PCM1: variants seen among roughly 807,000 people sequenced by gnomAD.
PCM1 encodes the protein pericentriolar material 1.
PCM1 carries 157 observed loss-of-function variants against 241.9 expected under a neutral mutation model. That is an observed-to-expected ratio of 0.65 (90% confidence interval 0.57 to 0.74). The LOEUF is 0.74. Ranked by LOEUF, PCM1 falls within the 30% of genes least tolerant of loss-of-function variation. The pLI is 0.00. For missense variants in PCM1, 3,478 were observed against 2,360.1 expected, an observed-to-expected ratio of 1.47 and a Z score of -9.81; for synonymous variants, 1,085 against 784.9, an observed-to-expected ratio of 1.38 and a Z score of -6.39.
At chr8:17,948,054 T>C (rs1261705775) in intron 7 of PCM1, among the ~76,000 whole-genome samples, 1 of 152,190 alleles carries the variant, frequency 6.6e-6, no homozygotes, top group African/African-American at 2.4e-5. Flanking sequence ...TTATTAAAAG[T>C]CAACAAAACT....
rs369421006 is a variant in PCM1 at position 17,953,182 on chromosome 8, A to T, written c.1284A>T (p.Ser428=). 2.6e-6 allele frequency: 4 copies of T among 1,530,232 alleles called. No homozygotes were observed. In the African/African-American group the frequency reaches 5.5e-5, roughly 21 times the overall value. The allele number at this position is 1,530,232 out of a possible 1,614,324, so 94.8% of individuals were successfully genotyped here. ...TTCGAGATCAGCATCTTAACAATTC[A>T]TCATGTGAGTAAATCTGGTTCAGCA... ...HTLRDQHLNN[S]SSSPQRSVDQ... Residue 428 remains serine (S), a synonymous_variant, in exon 9 of 39, where the codon TCA becomes TCT. Coordinates refer to ENST00000325083, the MANE Select transcript of PCM1 (RefSeq NM_006197.4).
chr8:17,952,773 A>T (rs910557707), intron 8 of PCM1, among the ~76,000 whole-genome samples, 197 bp from the exon 9 acceptor site: 8 of 152,138 alleles, frequency 5.3e-5, no homozygotes, highest in African/African-American at 1.9e-4. Flanking sequence ...ATACTGAGGG[A>T]TGACTTCATA....
At chr8:17,974,352 T>C (rs1021831714) in intron 23 of PCM1, among the ~76,000 whole-genome samples, 2 of 152,202 alleles carry the variant, frequency 1.3e-5, no homozygotes, top group Admixed American at 6.5e-5. Context: ...GTCATATAAA[T>C]AAATGAAGAA....
At chr8:17,957,152 A>G (rs934871670) in intron 11 of PCM1, 112 bp from the exon 12 acceptor site, 12 of 775,484 alleles carry the variant, frequency 1.5e-5, no homozygotes, top group Non-Finnish European at 2.4e-5. Flanking sequence ...TTTAAATGGA[A>G]TAGCCAACAA....
chr8:17,960,472 C>T (rs1265991530), intron 15 of PCM1, 28 bp downstream of exon 15: 2 of 1,543,348 alleles, frequency 1.3e-6, no homozygotes, highest in Admixed American at 2.2e-5. Flanking sequence ...TTCTAATTGT[C>T]TGAAAAAAGA....
intron 29 of PCM1, among the ~76,000 whole-genome samples, chr8:18,001,995 CTTTTTTTTTTTTTTTTTTTTTTTTTTT>C (rs1166401113): frequency 8.5e-5 from 2 of 23,398 alleles, no homozygotes. Flanking sequence ...TCTAACCTTT[CTTTTTTTTTTTTTTTTTTTTTTTTTTT>C]TTTTTTTTTT....
intron 29 of PCM1, among the ~76,000 whole-genome samples, chr8:17,997,337 T>G (rs1045183808): frequency 1.1e-4 from 17 of 152,192 alleles, no homozygotes; most frequent in Admixed American, 8.5e-4. Flanking sequence ...CCTTGATGTT[T>G]GGCAGTTTGA....
intron 23 of PCM1, among the ~76,000 whole-genome samples, chr8:17,973,064 A>G (rs922039070): frequency 1.2e-4 from 18 of 152,136 alleles, no homozygotes; most frequent in African/African-American, 3.9e-4. Flanking sequence ...TGATTAGTTT[A>G]AAGAATAGTG....
intron 29 of PCM1, among the ~76,000 whole-genome samples, chr8:17,998,175 G>A (rs766940984): frequency 3.0e-4 from 45 of 152,048 alleles, no homozygotes; most frequent in Non-Finnish European, 5.1e-4. Context: ...GCCTTATTTG[G>A]TCCCTTTGTT....
chr8:17,928,021 G>A (rs1022770579), intron 2 of PCM1: 4 of 151,114 alleles, frequency 2.6e-5, no homozygotes, highest in Non-Finnish European at 4.4e-5. Context: ...GTTTAGTAAG[G>A]CATAGCATGA....
chr8:18,014,850 A>G lies in PCM1; in HGVS notation c.5841+10A>G, dbSNP rs1183903031. 5.8e-6 allele frequency: 9 copies of G among 1,562,044 alleles called. No homozygotes were observed. The highest frequency in any genetic ancestry group is 7.8e-6 in the Non-Finnish European group (9 of 1,155,712). On this transcript the variant is annotated intron_variant, in intron 36 of 38. Transcript: ENST00000325083. ...GTTAGTGAATGACTATGTATGTATC[A>G]TTTACATTTCCAAATATTTTTACTT...
chr8:17,953,031 C>A lies in PCM1; in HGVS notation c.1133C>A (p.Ser378Tyr). 6.2e-7 allele frequency: 1 copy of A among 1,608,642 alleles called. No individual in the cohort carries two copies. Among genetic ancestry groups the A allele is most frequent in the Non-Finnish European group, 8.5e-7 (1 of 1,177,310 alleles). The change falls in exon 9 of 39, where the codon TCC (serine) becomes TAC (tyrosine). Residue 378 changes from serine (S) to tyrosine (Y), a missense_variant. Ser to Tyr is a moderately radical substitution (Grantham distance 144, BLOSUM62 -2). Coordinates refer to ENST00000325083, the MANE Select transcript of PCM1 (RefSeq NM_006197.4). ...AGTCTTTCATTAACTAGGGAGGTTT[C>A]CCAGAGCAGGAAACCATCAGCTTCA... ...AESLSLTREVSQSRKPSASER... is the reference protein window; with the variant it reads ...AESLSLTREVYQSRKPSASER...
chr8:17,953,545 C>G (rs553055400), intron 9 of PCM1, among the ~76,000 whole-genome samples: 67 of 152,054 alleles, frequency 4.4e-4, no homozygotes, highest in African/African-American at 1.6e-3. Flanking sequence ...CCAGTTAGTA[C>G]TTTGATTTAA....
intron 13 of PCM1, among the ~76,000 whole-genome samples, chr8:17,958,418 A>G (rs551406538): frequency 1.3e-5 from 2 of 152,314 alleles, no homozygotes; most frequent in Admixed American, 1.3e-4. Context: ...ACAATTAACT[A>G]TAATGTACAA....
chr8:17,935,760 G>GT (rs1420436448), intron 3 of PCM1, 54 bp downstream of exon 3: 2 of 856,768 alleles, frequency 2.3e-6, no homozygotes, highest in Admixed American at 1.9e-5. Flanking sequence ...TTAAAATGCA[G>GT]TTTTCCCCCT....
chr8:17,983,567 T>A (rs1038608628), intron 24 of PCM1, among the ~76,000 whole-genome samples: 2 of 152,154 alleles, frequency 1.3e-5, no homozygotes, highest in African/African-American at 4.8e-5. Flanking sequence ...TAGTACTTGA[T>A]TTGAGGTTAT....
At chr8:17,943,785 C>G (rs149892758) in intron 6 of PCM1, among the ~76,000 whole-genome samples, 107 of 152,268 alleles carry the variant, frequency 7.0e-4, no homozygotes, top group Non-Finnish European at 1.3e-3. Flanking sequence ...CAGGAACTGT[C>G]ATTCTTACCA....
intron 17 of PCM1, 123 bp downstream of exon 17, chr8:17,963,414 GT>G (rs1395227830): frequency 1.4e-5 from 9 of 625,436 alleles, no homozygotes; most frequent in Non-Finnish European, 2.4e-5. Context: ...TGAGGCTACT[GT>G]TTAACTACCA....
intron 31 of PCM1, among the ~76,000 whole-genome samples, chr8:18,010,344 C>T (rs778161735): frequency 1.3e-5 from 2 of 152,172 alleles, no homozygotes; most frequent in African/African-American, 2.4e-5. Flanking sequence ...GATGGCTCTT[C>T]TTTCTTAGAA....
Sources: allele counts gnomAD v4.1 joint callset (sites outside exome capture counted in the v4.1 genomes callset), GRCh38; gene constraint gnomAD v4.1.1; transcripts MANE v1.5; gene names NCBI Gene and HGNC (gene_info 2026-07-23, HGNC 2026-07-21).